USP10: variants seen among roughly 807,000 people sequenced by gnomAD.
USP10 encodes ubiquitin carboxyl-terminal hydrolase 10.
A neutral mutation model predicts 84.5 loss-of-function variants in USP10; 22 were observed. That is an observed-to-expected ratio of 0.26 (90% CI 0.19 to 0.37). USP10 has a LOEUF of 0.37. USP10 is among the 10% of genes least tolerant of loss of function. The pLI is 1.00. For synonymous variants in USP10, 454 were observed against 387.6 expected, an observed-to-expected ratio of 1.17 and a Z score of -2.01; for missense variants, 1,019 against 998.9, an observed-to-expected ratio of 1.02 and a Z score of -0.27.
chr16:84,774,592 T>A (rs1914791372), intron 12 of USP10, among the ~76,000 whole-genome samples: 1 of 151,280 alleles, frequency 6.6e-6, no homozygotes, highest in Non-Finnish European at 1.5e-5. Context: ...TGCCTCAGCC[T>A]CCCGAGTAGC....
chr16:84,766,529 G>A (rs1567646525), intron 10 of USP10, among the ~76,000 whole-genome samples: 2 of 152,244 alleles, frequency 1.3e-5, no homozygotes, highest in South Asian at 2.1e-4. Context: ...ACACCCCCTC[G>A]GGATGGGAGA....
intron 2 of USP10, among the ~76,000 whole-genome samples, chr16:84,735,302 G>A (rs138175864): frequency 1.3e-5 from 2 of 151,832 alleles, no homozygotes; most frequent in African/African-American, 4.8e-5. Flanking sequence ...GTAACCATAC[G>A]TTTTAGTTGC....
rs577681315 is a variant in USP10 at position 84,740,764 on chromosome 16, C to A, written c.151+395C>A. On this transcript the variant is annotated intron_variant, in intron 3 of 13. Coordinates refer to ENST00000219473, the MANE Select transcript of USP10 (RefSeq NM_005153.3). ...CCTGTGTTCTTTGTAAACTAAGGGG[C>A]AGCTGGCATCTGTTGTTCTTGCAGT... is the stretch of plus-strand genomic sequence containing the variant. Among the ~76,000 whole-genome samples the A allele has an allele frequency of 2.6e-5, 4 of 152,352 alleles. No individual in the cohort carries two copies. In the East Asian group the frequency reaches 7.7e-4, roughly 29 times the overall value.
At chr16:84,773,570 G>C (rs1914671322) in intron 12 of USP10, among the ~76,000 whole-genome samples, 1 of 152,212 alleles carries the variant, frequency 6.6e-6, no homozygotes, top group Admixed American at 6.5e-5. Flanking sequence ...TCCCAGGCCT[G>C]CACACAAGAG....
Position 84,779,035 on chromosome 16 carries a change from G to A in USP10, c.2350G>A (p.Glu784Lys). 1 of 1,614,002 alleles carries A rather than the reference G, an allele frequency of 6.2e-7. No individual in the cohort carries two copies. The highest frequency in any genetic ancestry group is 8.5e-7 in the Non-Finnish European group (1 of 1,179,894). Residue 784 changes from glutamate (E) to lysine (K), a missense_variant, in exon 14 of 14, where the codon GAA (glutamate) becomes AAA (lysine). Physicochemically the swap from Glu to Lys is moderately conservative, Grantham distance 56. Around this residue, in one of 2 missense-constraint regions of USP10, gnomAD observed 232 missense variants for 290.1 expected, o/e 0.80. Transcript: ENST00000219473. ...NQYQVVKPTA[E>K]RTAYLLYYRR... Reference sequence around the variant, plus strand: ...GTACCAGGTGGTGAAACCAACTGCTGAACGCACAGCCTACCTCCTGTATTA... The same window carrying A: ...GTACCAGGTGGTGAAACCAACTGCTAAACGCACAGCCTACCTCCTGTATTA...
intron 11 of USP10, among the ~76,000 whole-genome samples, chr16:84,769,607 C>G (rs551324890): frequency 2.0e-5 from 3 of 151,948 alleles, no homozygotes; most frequent in Non-Finnish European, 2.9e-5. Context: ...CGGCTTGGCT[C>G]ACTTCTGTGG....
At chr16:84,701,605 T>C (rs898268493) in intron 1 of USP10, among the ~76,000 whole-genome samples, 2 of 152,246 alleles carry the variant, frequency 1.3e-5, no homozygotes, top group African/African-American at 4.8e-5. Flanking sequence ...GATTTTGACA[T>C]GAAGAAAGCA....
At chr16:84,758,067 A>T (rs191063811) in intron 4 of USP10, among the ~76,000 whole-genome samples, 1 of 152,250 alleles carries the variant, frequency 6.6e-6, no homozygotes, top group Non-Finnish European at 1.5e-5. Flanking sequence ...AGAAAGAGTG[A>T]TGTCCACTCA....
intron 2 of USP10, among the ~76,000 whole-genome samples, chr16:84,735,370 G>C (rs191449912): frequency 6.6e-5 from 10 of 152,260 alleles, no homozygotes; most frequent in African/African-American, 2.4e-4. Flanking sequence ...TTGCAAGTGA[G>C]TAGACAAAAA....
intron 1 of USP10, among the ~76,000 whole-genome samples, chr16:84,729,337 G>T (rs1164924692): frequency 6.6e-6 from 1 of 152,114 alleles, no homozygotes; most frequent in Non-Finnish European, 1.5e-5. Flanking sequence ...AAGAAATTCC[G>T]TTTTATTCTT....
chr16:84,747,222 TTAAAA>T (rs1911336506), intron 4 of USP10, among the ~76,000 whole-genome samples: 1 of 152,186 alleles, frequency 6.6e-6, no homozygotes, highest in Non-Finnish European at 1.5e-5. Context: ...AGTAGCCAAG[TTAAAA>T]TAAGCTGTTT....
At chr16:84,764,413 G>C (rs766112367) in intron 10 of USP10, 150 bp downstream of exon 10, 31 of 1,093,176 alleles carry the variant, frequency 2.8e-5, no homozygotes, top group Non-Finnish European at 3.6e-5. Flanking sequence ...TGCACTTCCT[G>C]ATGCTTCCCT....
intron 4 of USP10, 55 bp downstream of exon 4, chr16:84,745,728 T>G: frequency 6.6e-7 from 1 of 1,526,138 alleles, no homozygotes; most frequent in Non-Finnish European, 8.9e-7. Context: ...CCTCATCAAC[T>G]GGGCTTATAG....
intron 1 of USP10, among the ~76,000 whole-genome samples, chr16:84,715,536 G>T (rs935279712): frequency 6.6e-6 from 1 of 152,180 alleles, no homozygotes; most frequent in Non-Finnish European, 1.5e-5. Context: ...GAGTCCACCT[G>T]GGTGACCTTA....
intron 1 of USP10, chr16:84,732,511 A>G: frequency 2.6e-6 from 1 of 381,388 alleles, no homozygotes; most frequent in Non-Finnish European, 5.1e-6. Context: ...CGGTGGCGCG[A>G]TCTCAGCTCA....
chr16:84,702,180 C>T (rs1904970734), intron 1 of USP10, among the ~76,000 whole-genome samples: 1 of 150,578 alleles, frequency 6.6e-6, no homozygotes, highest in African/African-American at 2.4e-5. Context: ...CCTCAGCCTC[C>T]CAAGTAGCTG....
chr16:84,760,714 C>G (rs949702524), intron 8 of USP10, among the ~76,000 whole-genome samples: 5 of 152,084 alleles, frequency 3.3e-5, no homozygotes, highest in Non-Finnish European at 7.4e-5. Flanking sequence ...TACTTGATTC[C>G]TTTACCTAAT....
At chr16:84,727,957 C>G (rs1454532789) in intron 1 of USP10, among the ~76,000 whole-genome samples, 4 of 152,192 alleles carry the variant, frequency 2.6e-5, no homozygotes, top group Non-Finnish European at 5.9e-5. Flanking sequence ...AGCACAGGAT[C>G]CAGTCTAGGG....
At chr16:84,736,495 A>G (rs1474208871) in intron 2 of USP10, among the ~76,000 whole-genome samples, 1 of 152,206 alleles carries the variant, frequency 6.6e-6, no homozygotes, top group Non-Finnish European at 1.5e-5. Flanking sequence ...CATCTTTTCT[A>G]GAGTTGTGCT....
Sources: allele counts gnomAD v4.1 joint callset (sites outside exome capture counted in the v4.1 genomes callset), GRCh38; gene constraint gnomAD v4.1.1; regional missense constraint gnomAD v4.1.1; transcripts MANE v1.5; gene names NCBI Gene and HGNC (gene_info 2026-07-23, HGNC 2026-07-21).